FBXW4: variants seen among roughly 807,000 people sequenced by gnomAD.
FBXW4 encodes F-box and WD repeat domain containing 4, also known as F-box/WD repeat-containing protein 4.
A neutral mutation model predicts 61.8 loss-of-function variants in FBXW4; 40 were observed. The observed-to-expected ratio is 0.65, with a 90% CI of 0.50 to 0.84. The LOEUF (loss-of-function observed/expected upper bound fraction) is 0.84. FBXW4 is among the 40% of genes least tolerant of loss of function. The probability of loss-of-function intolerance (pLI) is 0.00; values close to 1 mark genes in which losing one functional copy is unlikely to be tolerated. For synonymous variants in FBXW4, 311 were observed against 313.8 expected (o/e 0.99, Z 0.10); for missense variants, 672 against 753.8 (o/e 0.89, Z 1.27).
At chr10:101,660,298 C>T in intron 5 of FBXW4, 1 of 523,878 alleles carries the variant, frequency 1.9e-6, no homozygotes, top group Non-Finnish European at 2.3e-6. Flanking sequence ...GCAGTGGCTA[C>T]AATTACACAC....
At chr10:101,688,240 C>T (rs1345344954) in intron 1 of FBXW4, among the ~76,000 whole-genome samples, 1 of 152,200 alleles carries the variant, frequency 6.6e-6, no homozygotes, top group East Asian at 1.9e-4. Context: ...CTGCTCTTGT[C>T]ATTTAGTGGC....
At chr10:101,643,499 C>T (rs1186563022) in intron 5 of FBXW4, among the ~76,000 whole-genome samples, 1 of 152,256 alleles carries the variant, frequency 6.6e-6, no homozygotes, top group African/African-American at 2.4e-5. Context: ...TAAGAGGGCA[C>T]CCAGGATGCC....
intron 5 of FBXW4, among the ~76,000 whole-genome samples, chr10:101,662,805 GGGT>G (rs1468042670): frequency 6.6e-6 from 1 of 152,172 alleles, no homozygotes; most frequent in African/African-American, 2.4e-5. Flanking sequence ...TGCCCCCCAT[GGGT>G]GGCTTGGAGG....
rs796571941 is a variant in FBXW4 at position 101,673,509 on chromosome 10, G to A, written c.986C>T (p.Ser329Leu). 4 of 1,613,780 alleles carry A rather than the reference G, an allele frequency of 2.5e-6. No homozygotes were observed. The highest frequency in any genetic ancestry group is 2.2e-5 in the East Asian group (1 of 44,882). Residue 329 changes from serine to leucine, a missense_variant, in exon 3 of 9, where the codon TCG becomes TTG. This residue lies in a region of FBXW4 where 312 missense variants were observed against 370.1 expected (regional missense o/e 0.84). Transcript: ENST00000331272. The stretch of plus-strand genomic sequence containing the variant: ...TTACCCTCCTGCACTAACAATATGC[G>A]AGTTGGCCAGCACAAAGTGGCAAAC... ...EDVCHFVLANSHIVSAGGDGK... is the reference protein window; with the variant it reads ...EDVCHFVLANLHIVSAGGDGK...
At chr10:101,665,645 C>T (rs890680743) in intron 5 of FBXW4, among the ~76,000 whole-genome samples, 9 of 152,120 alleles carry the variant, frequency 5.9e-5, no homozygotes, top group African/African-American at 2.2e-4. Context: ...TAGGCCCTTC[C>T]CCAAAGTCAG....
chr10:101,694,429 A>G lies in FBXW4; in HGVS notation c.677T>C (p.Ile226Thr). 1 of 1,526,546 alleles carries G rather than the reference A, an allele frequency of 6.6e-7. No homozygotes were observed. Among genetic ancestry groups the G allele is most frequent in the Admixed American group, 2.0e-5 (1 of 49,778 alleles). 94.6% of individuals were successfully genotyped at this position (1,526,546 alleles called of 1,614,324 possible). A position where few individuals can be genotyped will look rare whatever the true frequency, so the allele number is the denominator to read the frequency against. The change falls in exon 1 of 9, where the codon ATA becomes ACA. Residue 226 changes from isoleucine to threonine, a missense_variant. Ile to Thr is a moderately conservative substitution (Grantham distance 89). Coordinates refer to ENST00000331272, the MANE Select transcript of FBXW4 (RefSeq NM_022039.4). The surrounding 1 kb of genome is among the most constrained non-coding windows in gnomAD (Gnocchi z 6.0). ...FTSCDLLWRR[I>T]ARASLNSGFT... ...GCCGGAGTTGAGCGAGGCCCGGGCT[A>G]TCCGGCGCCAGAGCAGATCGCAGCT...
rs997195180 is a variant in FBXW4, at chr10:101,627,969, G to A, written c.1236-3159C>T. On this transcript the variant is annotated intron_variant, in intron 5 of 8. Coordinates refer to ENST00000331272, the MANE Select transcript of FBXW4 (RefSeq NM_022039.4). The stretch of plus-strand genomic sequence containing the variant: ...CCAGGTGATTTAACCCAAACAAAAT[G>A]CTGTGCTCTGATAACCTGTTCGATT... 17 of 985,258 alleles carry A rather than the reference G, an allele frequency of 1.7e-5. No individual in the cohort carries two copies. The African/African-American group carries it at 3.0e-4, about 17-fold the overall frequency. 61.0% of individuals were successfully genotyped at this position (985,258 alleles called of 1,614,324 possible). A position where few individuals can be genotyped will look rare whatever the true frequency, so the allele number is the denominator to read the frequency against.
Position 101,627,711 on chromosome 10 carries a change from C to T in FBXW4, c.1236-2901G>A, listed in dbSNP as rs575964431. Among the ~76,000 whole-genome samples the T allele has an allele frequency of 1.8e-3, 273 of 152,328 alleles. 3 individuals are homozygous for T. Among genetic ancestry groups the T allele is most frequent in the Middle Eastern group, 3.4e-3 (1 of 294 alleles). ...CCAGCACCCAAAGGGTGCTTCACAT[C>T]TCACAATGAGCCCACAAGATAGATA... On this transcript the variant is annotated intron_variant, in intron 5 of 8. Coordinates refer to ENST00000331272, the MANE Select transcript of FBXW4 (RefSeq NM_022039.4).
rs542718696 is a variant in FBXW4, at chr10:101,656,756, C to T, written c.1235+11130G>A. 1.7e-3 allele frequency among the ~76,000 whole-genome samples: 266 copies of T among 152,290 alleles called. 2 individuals carry two copies. Among genetic ancestry groups the T allele is most frequent in the African/African-American group, 5.8e-3 (243 of 41,550 alleles). On this transcript the variant is annotated intron_variant, in intron 5 of 8. Coordinates refer to ENST00000331272, the MANE Select transcript of FBXW4 (RefSeq NM_022039.4). Reference sequence around the variant, plus strand: ...CCAGAGACGAGCCTAAACACAAGTACATGGAAAACATGGGGGTGGGAAGGT... The same window carrying T: ...CCAGAGACGAGCCTAAACACAAGTATATGGAAAACATGGGGGTGGGAAGGT...
At chr10:101,641,175 T>C (rs1216296980) in intron 5 of FBXW4, among the ~76,000 whole-genome samples, 2 of 152,070 alleles carry the variant, frequency 1.3e-5, no homozygotes, top group African/African-American at 2.4e-5. Flanking sequence ...ATTTAAGAGA[T>C]AGATAATTTA....
At chr10:101,613,799 G>A (rs1432399611) in intron 6 of FBXW4, among the ~76,000 whole-genome samples, 3 of 152,194 alleles carry the variant, frequency 2.0e-5, no homozygotes, top group African/African-American at 7.2e-5. Context: ...CCCTGGCCAG[G>A]AGCACTGCTG....
Position 101,625,491 on chromosome 10 carries a change from C to G in FBXW4, c.1236-681G>C, listed in dbSNP as rs140049705. 7 of 152,338 alleles carry G rather than the reference C, an allele frequency of 4.6e-5. No individual in the cohort carries two copies. In the East Asian group the frequency reaches 1.4e-3, roughly 29 times the overall value. The allele number at this position is 152,338 out of a possible 1,614,324, so 9.4% of individuals were successfully genotyped here. On this transcript the variant is annotated intron_variant, in intron 5 of 8. Transcript: ENST00000331272. Reference sequence around the variant, plus strand: ...CTCTGAGGCCAATAACAAACAACGCCGAGAGGCACACGAGAAGGAGCAGGC... The same window carrying G: ...CTCTGAGGCCAATAACAAACAACGCGGAGAGGCACACGAGAAGGAGCAGGC...
At chr10:101,644,892 A>C (rs1254350919) in intron 5 of FBXW4, among the ~76,000 whole-genome samples, 2 of 152,160 alleles carry the variant, frequency 1.3e-5, no homozygotes, top group African/African-American at 2.4e-5. Flanking sequence ...CACCACATAC[A>C]GAGGAGTCTC....
At chr10:101,652,526 C>A (rs1330299239) in intron 5 of FBXW4, among the ~76,000 whole-genome samples, 1 of 151,556 alleles carries the variant, frequency 6.6e-6, no homozygotes, top group African/African-American at 2.4e-5. Flanking sequence ...AAGTAGGCAA[C>A]CCTCAAGAAG....
intron 5 of FBXW4, among the ~76,000 whole-genome samples, chr10:101,666,403 CG>C (rs1225667105): frequency 2.0e-5 from 3 of 151,944 alleles, no homozygotes; most frequent in Non-Finnish European, 4.4e-5. Flanking sequence ...CGTGGCTAAT[CG>C]GCTCTAATTC....
At chr10:101,672,486 C>A (rs1387409982) in intron 4 of FBXW4, among the ~76,000 whole-genome samples, 1 of 152,198 alleles carries the variant, frequency 6.6e-6, no homozygotes, top group Non-Finnish European at 1.5e-5. Flanking sequence ...GCAGTGAAAA[C>A]ACATTTTAAT....
intron 5 of FBXW4, among the ~76,000 whole-genome samples, chr10:101,666,916 A>C (rs2064307029): frequency 7.2e-6 from 1 of 139,142 alleles, no homozygotes; most frequent in Admixed American, 7.0e-5. Flanking sequence ...ACAGAAACAA[A>C]AAAAGAATGA....
chr10:101,626,806 A>G (rs2063910680), intron 5 of FBXW4: 1 of 152,292 alleles, frequency 6.6e-6, no homozygotes, highest in African/African-American at 2.4e-5. Context: ...CTTAAGGCCT[A>G]TGGCAGGCCT....
chr10:101,630,022 G>A (rs550193616), intron 5 of FBXW4, among the ~76,000 whole-genome samples: 2 of 152,290 alleles, frequency 1.3e-5, no homozygotes, highest in African/African-American at 4.8e-5. Flanking sequence ...CTTTGGCAAG[G>A]GAGGCCACCA....
Sources: gnomAD v4.1 joint callset for allele counts (sites outside exome capture counted in the v4.1 genomes callset) on GRCh38, gnomAD v4.1.1 for gene constraint, gnomAD v4.1.1 regional missense constraint, Gnocchi (gnomAD v3.1) non-coding constraint, MANE v1.5 for transcripts, NCBI Gene and HGNC (gene_info 2026-07-23, HGNC 2026-07-21) for gene names.